Variants in ANXA4 observed in about 807,000 individuals in gnomAD.
ANXA4 encodes the protein 35-beta calcimedin.
In ANXA4, 39 loss-of-function variants were observed where a neutral mutation model predicts 49.8. The ratio of observed to expected loss-of-function variants is 0.78; its 90% confidence interval spans 0.61 to 1.02. The LOEUF is 1.02. Ranked by LOEUF, ANXA4 falls within the 50% of genes least tolerant of loss-of-function variation. ANXA4 has a pLI of 0.00. For synonymous variants in ANXA4, 134 were observed against 152.5 expected (o/e 0.88, Z 0.89); for missense variants, 360 against 410.1 (o/e 0.88, Z 1.05).
Position 69,804,621 on chromosome 2 carries a change from C to A in ANXA4, c.186C>A (p.Ile62=). The A allele has an allele frequency of 6.2e-7, 1 of 1,612,328 alleles. No individual in the cohort carries two copies. ...QEIRTAYKST[I]GRDLIDDLKS... is the part of the protein sequence containing the mutation. ...TCAGGACAGCCTACAAGAGCACCAT[C>A]GGCAGGGTAGGCCACAGTCTTTCCT... The change falls in exon 4 of 13, where the codon ATC becomes ATA. Residue 62 remains isoleucine (I), a synonymous_variant. Coordinates refer to ENST00000394295, the MANE Select transcript of ANXA4 (RefSeq NM_001153.5).
At chr2:69,771,814 A>G (rs946554946) in intron 1 of ANXA4, among the ~76,000 whole-genome samples, 7 of 152,332 alleles carry the variant, frequency 4.6e-5, no homozygotes, top group African/African-American at 1.7e-4. Context: ...TTCTTTATGA[A>G]TTCATTGTAA....
chr2:69,742,614 T>C (rs1670443403), intron 1 of ANXA4, among the ~76,000 whole-genome samples: 1 of 152,234 alleles, frequency 6.6e-6, no homozygotes, highest in Non-Finnish European at 1.5e-5. Context: ...CCTAGATCCT[T>C]ACCACTTTCT....
At chr2:69,773,621 CTTTT>C (rs67161210) in intron 1 of ANXA4, among the ~76,000 whole-genome samples, 122 of 93,052 alleles carry the variant, frequency 1.3e-3, no homozygotes, top group Non-Finnish European at 2.1e-3. Context: ...TTCTTTCCTT[CTTTT>C]TTTTTTTTTT....
intron 2 of ANXA4, among the ~76,000 whole-genome samples, chr2:69,665,137 G>A (rs1269380550): frequency 6.6e-6 from 1 of 152,068 alleles, no homozygotes; most frequent in East Asian, 1.9e-4. Flanking sequence ...ACTGCTATGT[G>A]ACTTTCAAAA....
chr2:69,805,683 T>C (rs771648702), intron 4 of ANXA4, among the ~76,000 whole-genome samples: 1 of 152,130 alleles, frequency 6.6e-6, no homozygotes, highest in South Asian at 2.1e-4. Context: ...TCAGTGAATA[T>C]TGACTTGGAA....
chr2:69,821,523 GT>G (rs1380346876), intron 12 of ANXA4, among the ~76,000 whole-genome samples: 2 of 152,106 alleles, frequency 1.3e-5, no homozygotes, highest in Non-Finnish European at 2.9e-5. Context: ...AGGCTGGAGT[GT>G]AGTGGCGCAA....
At chr2:69,782,552 G>A (rs892973902) in intron 2 of ANXA4, among the ~76,000 whole-genome samples, 2 of 152,018 alleles carry the variant, frequency 1.3e-5, no homozygotes, top group Admixed American at 6.6e-5. Context: ...TGAGGGGCTC[G>A]CTATGTTGCC....
At chr2:69,719,026 G>A (rs1357345410) in intron 2 of ANXA4, among the ~76,000 whole-genome samples, 1 of 151,006 alleles carries the variant, frequency 6.6e-6, no homozygotes, top group East Asian at 1.9e-4. Context: ...ACCCAGGCTG[G>A]AGTGCAGTGG....
chr2:69,794,452 A>G (rs145826022), intron 3 of ANXA4, among the ~76,000 whole-genome samples: 113 of 152,128 alleles, frequency 7.4e-4, no homozygotes, highest in Non-Finnish European at 8.8e-4. Flanking sequence ...TTTTTGTTAC[A>G]TAGAGACTGA....
At chr2:69,673,713 C>CACAA (rs1371709765) in intron 2 of ANXA4, among the ~76,000 whole-genome samples, 1 of 151,766 alleles carries the variant, frequency 6.6e-6, no homozygotes, top group Non-Finnish European at 1.5e-5. Context: ...CACACACACA[C>CACAA]ACACACACAC....
In ANXA4 at chr2:69,724,678, C is replaced by A. The variant is rs190133482; in HGVS notation, n.864+3807C>A. ...TGGAGAATTACCTTCTGCCAAGAGA[C>A]CTTAGTTCTGTAAAAAGGCAAAGAA... On this transcript the variant is annotated intron_variant and non_coding_transcript_variant, in intron 3 of 3. Transcript: ENST00000418066. Among the ~76,000 whole-genome samples the A allele has an allele frequency of 3.8e-4, 42 of 109,216 alleles. No individual in the cohort carries two copies. In the East Asian group the frequency reaches 0.011, roughly 28 times the overall value. 71.6% of individuals were successfully genotyped at this position (109,216 alleles called of 152,430 possible).
intron 1 of ANXA4, among the ~76,000 whole-genome samples, chr2:69,779,926 C>T (rs1672126524): frequency 1.3e-5 from 2 of 152,232 alleles, no homozygotes; most frequent in Admixed American, 6.5e-5. Context: ...CTTAGTTGAA[C>T]CCCCAGGTAA....
chr2:69,729,096 C>T (rs1014950159), intron 3 of ANXA4, among the ~76,000 whole-genome samples: 4 of 152,228 alleles, frequency 2.6e-5, no homozygotes, highest in Non-Finnish European at 5.9e-5. Flanking sequence ...TCACTGCAAC[C>T]TCCACCACCC....
At chr2:69,758,317 C>A (rs959261675) in intron 1 of ANXA4, among the ~76,000 whole-genome samples, 1 of 152,140 alleles carries the variant, frequency 6.6e-6, no homozygotes, top group Non-Finnish European at 1.5e-5. Context: ...CTGACCCCTA[C>A]TACTAAGGTT....
intron 3 of ANXA4, among the ~76,000 whole-genome samples, chr2:69,804,032 G>A (rs566428514): frequency 2.0e-5 from 3 of 151,918 alleles, no homozygotes; most frequent in African/African-American, 7.2e-5. Context: ...CAGCTACTCA[G>A]GAGGCTGAGG....
At chr2:69,691,315 G>A (rs1490759178) in intron 2 of ANXA4, among the ~76,000 whole-genome samples, 3 of 151,616 alleles carry the variant, frequency 2.0e-5, no homozygotes, top group Admixed American at 2.0e-4. Flanking sequence ...GTAGAGACGG[G>A]GTTTCACCAT....
intron 2 of ANXA4, among the ~76,000 whole-genome samples, chr2:69,716,405 G>C (rs902249543): frequency 6.6e-6 from 1 of 152,148 alleles, no homozygotes; most frequent in African/African-American, 2.4e-5. Context: ...GATAAGAGGA[G>C]AGGCAGAGGG....
intron 3 of ANXA4, among the ~76,000 whole-genome samples, chr2:69,724,878 T>TGA (rs67719216): frequency 0.62 from 94,818 of 152,074 alleles, 31,530 homozygotes; most frequent in African/African-American, 0.85. Flanking sequence ...GGATGGAATT[T>TGA]GAGAGGAAGC....
At chr2:69,674,518 AT>A (rs2105347393) in intron 2 of ANXA4, among the ~76,000 whole-genome samples, 1 of 152,324 alleles carries the variant, frequency 6.6e-6, no homozygotes, top group South Asian at 2.1e-4. Flanking sequence ...AGAATTATGA[AT>A]TGATAAGAGC....
Sources: gnomAD v4.1 joint callset for allele counts (sites outside exome capture counted in the v4.1 genomes callset) on GRCh38, gnomAD v4.1.1 for gene constraint, MANE v1.5 for transcripts, NCBI Gene and HGNC (gene_info 2026-07-23, HGNC 2026-07-21) for gene names.